RNF168: variants seen among roughly 807,000 people sequenced by gnomAD.
RNF168 encodes E3 ubiquitin-protein ligase RNF168.
Under a neutral mutation model 34.9 loss-of-function variants are expected in RNF168, and 34 were observed. The observed-to-expected ratio is 0.97, with a 90% CI of 0.74 to 1.30. RNF168 has a LOEUF of 1.30. Among genes scored for constraint, RNF168 ranks in the 50% most tolerant of loss-of-function variants. The probability of loss-of-function intolerance (pLI) is 0.00; values close to 1 mark genes in which losing one functional copy is unlikely to be tolerated. For missense variants in RNF168, 725 were observed against 682.5 expected, an observed-to-expected ratio of 1.06 and a Z score of -0.69; for synonymous variants, 264 against 254.7, an observed-to-expected ratio of 1.04 and a Z score of -0.35.
At chr3:196,474,291 A>AT (rs71694194) in intron 5 of RNF168, among the ~76,000 whole-genome samples, 3,241 of 135,396 alleles carry the variant, frequency 0.024, 130 homozygotes, top group African/African-American at 0.078. Flanking sequence ...CACCTGGCTA[A>AT]TTTTTTTTTT....
In RNF168 at chr3:196,495,175, T is replaced by TCG. The variant is rs551677021; in HGVS notation, c.302-6494_302-6493dup. Reference sequence around the variant, plus strand: ...AGTTTTTAAACTGCCACATTGCCTTTCGTGTGTGTGTGTGTGTATTTTCTG... The same window carrying TCG: ...AGTTTTTAAACTGCCACATTGCCTTTCGCGTGTGTGTGTGTGTGTATTTTCTG... On this transcript the variant is annotated intron_variant, in intron 1 of 5. Coordinates refer to ENST00000318037, the MANE Select transcript of RNF168 (RefSeq NM_152617.4). 8.1e-3 allele frequency among the ~76,000 whole-genome samples: 1,043 copies of TCG among 129,452 alleles called. 18 individuals are homozygous for TCG. Among genetic ancestry groups the TCG allele is most frequent in the African/African-American group, 0.026 (950 of 36,238 alleles). The allele number at this position is 129,452 out of a possible 152,430, so 84.9% of individuals were successfully genotyped here. A position where few individuals can be genotyped will look rare whatever the true frequency, so the allele number is the denominator to read the frequency against.
At position 196,499,837 on chromosome 3, in the gene RNF168, G is replaced by GT. The variant is rs1732835588; in HGVS notation, c.301+3035_301+3036insA. ...AAACAAAAAGAATGAATGAGCACAG[G>GT]ATTTGAATAGATATTTCATATTTTT... is the stretch of plus-strand genomic sequence containing the variant. On this transcript the variant is annotated intron_variant, in intron 1 of 5. Coordinates refer to ENST00000318037, the MANE Select transcript of RNF168 (RefSeq NM_152617.4). 2.0e-5 allele frequency among the ~76,000 whole-genome samples: 3 copies of GT among 152,284 alleles called. No individual in the cohort carries two copies. The East Asian group carries it at 5.8e-4, about 29-fold the overall frequency.
Position 196,495,507 on chromosome 3 carries a change from T to C in RNF168, c.302-6824A>G, listed in dbSNP as rs556542370. On this transcript the variant is annotated intron_variant, in intron 1 of 5. Transcript: ENST00000318037. Reference sequence around the variant, plus strand: ...CTTTGCCTTCATGACACTGACATTTTTGAGGTACTAACAACTACGTTTTGT... The same window carrying C: ...CTTTGCCTTCATGACACTGACATTTCTGAGGTACTAACAACTACGTTTTGT... Among the ~76,000 whole-genome samples the C allele has an allele frequency of 7.2e-5, 11 of 152,360 alleles. No individual in the cohort carries two copies. In the South Asian group the frequency reaches 2.1e-3, roughly 29 times the overall value.
chr3:196,474,407 G>C (rs913965542), intron 5 of RNF168, among the ~76,000 whole-genome samples: 1 of 151,144 alleles, frequency 6.6e-6, no homozygotes, highest in Non-Finnish European at 1.5e-5. Context: ...TAGGATTACA[G>C]GCCTGAGCCA....
chr3:196,479,622 G>A (rs1262658602), intron 4 of RNF168, among the ~76,000 whole-genome samples: 3 of 150,424 alleles, frequency 2.0e-5, no homozygotes, highest in East Asian at 2.0e-4. Flanking sequence ...TTTTTGAGAC[G>A]GACTATCGCC....
In RNF168 at chr3:196,468,917, A is replaced by G. The variant is rs187607381; in HGVS notation, c.*2902T>C. 6.6e-6 allele frequency: 1 copy of G among 152,308 alleles called. No homozygotes were observed. 9.4% of individuals were successfully genotyped at this position (152,308 alleles called of 1,614,324 possible). A position where few individuals can be genotyped will look rare whatever the true frequency, so the allele number is the denominator to read the frequency against. ...GGACCAGTACCTGCTAGTGACTGAT[A>G]CATTTATTAGTTTCTAACAAAAAGG... On this transcript the variant is annotated 3_prime_UTR_variant, in exon 6 of 6. Transcript: ENST00000318037.
intron 1 of RNF168, among the ~76,000 whole-genome samples, chr3:196,491,709 G>A (rs73072952): frequency 0.096 from 14,611 of 152,092 alleles, 2,269 homozygotes; most frequent in African/African-American, 0.33. Context: ...TCCTGAGTAC[G>A]GAGATACCGC....
At chr3:196,484,188 T>TTTTTTTTTTA (rs1732366032) in intron 3 of RNF168, among the ~76,000 whole-genome samples, 2 of 148,628 alleles carry the variant, frequency 1.3e-5, no homozygotes, top group African/African-American at 5.0e-5. Context: ...TTTTTTTTTT[T>TTTTTTTTTTA]GAGACGCAGT....
At position 196,472,099 on chromosome 3, in the gene RNF168, G is replaced by A. The variant is rs1036306121; in HGVS notation, c.1436C>T (p.Thr479Ile). The A allele has an allele frequency of 6.2e-7, 1 of 1,613,672 alleles. No homozygotes were observed. The highest frequency in any genetic ancestry group is 8.5e-7 in the Non-Finnish European group (1 of 1,179,798). Residue 479 changes from threonine (T) to isoleucine (I), a missense_variant, in exon 6 of 6, where the codon ACA becomes ATA. By Grantham distance (89) the Thr-to-Ile change is moderately conservative. Transcript: ENST00000318037. ...TAGCACTTTGTCTGGAGGGGAGGAT[G>A]TAGCGCGTAAGTGATACTCATCTGG... is the stretch of plus-strand genomic sequence containing the variant. Reference protein sequence around the residue: ...GSPDEYHLRATSSPPDKVLNG... With the variant: ...GSPDEYHLRAISSPPDKVLNG...
Position 196,492,415 on chromosome 3 carries a change from C to CA in RNF168, c.302-3733dup, listed in dbSNP as rs368484510. 6.7e-3 allele frequency among the ~76,000 whole-genome samples: 1,023 copies of CA among 152,194 alleles called. 16 individuals are homozygous for CA. Among genetic ancestry groups the CA allele is most frequent in the Middle Eastern group, 0.024 (7 of 294 alleles). ...TATTATACTAGAAAGCAAAACATAT[C>CA]ATTAAGCAGAATTAAACTAAGCATG... is the stretch of plus-strand genomic sequence containing the variant. On this transcript the variant is annotated intron_variant, in intron 1 of 5. Coordinates refer to ENST00000318037, the MANE Select transcript of RNF168 (RefSeq NM_152617.4).
intron 1 of RNF168, among the ~76,000 whole-genome samples, chr3:196,490,208 G>A (rs1371759289): frequency 6.6e-6 from 1 of 152,174 alleles, no homozygotes; most frequent in Non-Finnish European, 1.5e-5. Context: ...CATCACCCTG[G>A]AGTTGAAAGA....
At chr3:196,485,082 G>T (rs143223539) in intron 3 of RNF168, among the ~76,000 whole-genome samples, 7 of 152,114 alleles carry the variant, frequency 4.6e-5, no homozygotes, top group Non-Finnish European at 1.0e-4. Flanking sequence ...CTTTAAGGGC[G>T]TATTAATAAA....
intron 3 of RNF168, among the ~76,000 whole-genome samples, chr3:196,486,070 GT>G (rs1381157884): frequency 1.3e-5 from 2 of 152,138 alleles, no homozygotes; most frequent in African/African-American, 2.4e-5. Context: ...TAAAGTATGT[GT>G]TTTATCACAC....
rs1447546237 is a variant in RNF168, at chr3:196,475,243, G to C, written c.750C>G (p.Asp250Glu). The change falls in exon 5 of 6, where the codon GAC becomes GAG. Residue 250 changes from aspartate to glutamate, a missense_variant. Transcript: ENST00000318037. ...AGTATCAACATACCTTAGATACGGA[G>C]TCTTTCCTGACTTCTTGTACAGCTT... is the stretch of plus-strand genomic sequence containing the variant. ...HSEAVQEVRK[D>E]SVSKDIDSSD... is the part of the protein sequence containing the mutation. 3 of 1,596,018 alleles carry C rather than the reference G, an allele frequency of 1.9e-6. No individual in the cohort carries two copies. Among genetic ancestry groups the C allele is most frequent in the African/African-American group, 2.7e-5 (2 of 74,534 alleles).
At chr3:196,474,983 A>G (rs1009807008) in intron 5 of RNF168, 11 of 468,064 alleles carry the variant, frequency 2.4e-5, no homozygotes, top group African/African-American at 2.2e-4. Flanking sequence ...CACAGATCAC[A>G]CTAACTGCAA....
chr3:196,483,260 C>T (rs1433200156), intron 4 of RNF168, among the ~76,000 whole-genome samples: 1 of 152,146 alleles, frequency 6.6e-6, no homozygotes, highest in Non-Finnish European at 1.5e-5. Flanking sequence ...CAAGTCTAGA[C>T]TGTGGTTTTT....
chr3:196,487,476 CCTGT>C lies in RNF168; in HGVS notation c.477_480del (p.Ala161LysfsTer11), dbSNP rs771720993. The C allele has an allele frequency of 1.3e-5, 21 of 1,614,030 alleles. No homozygotes were observed. Among genetic ancestry groups the C allele is most frequent in the South Asian group, 3.3e-5 (3 of 91,086 alleles). The stretch of plus-strand genomic sequence containing the variant: ...TCCATCGCTCTTCGCCTTTTTTCTG[CCTGT>C]CTTTTTTCCTCTTCTTCCTCCTCTG... On this transcript the variant is annotated frameshift_variant, in exon 3 of 6. Coordinates refer to ENST00000318037, the MANE Select transcript of RNF168 (RefSeq NM_152617.4). LOFTEE classifies it high-confidence loss of function.
intron 1 of RNF168, among the ~76,000 whole-genome samples, chr3:196,500,738 G>C (rs1042013875): frequency 6.6e-6 from 1 of 151,526 alleles, no homozygotes; most frequent in Non-Finnish European, 1.5e-5. Context: ...TTGAAACGGA[G>C]TCTCGCTCTG....
intron 1 of RNF168, among the ~76,000 whole-genome samples, chr3:196,499,862 T>C (rs1732836427): frequency 6.6e-6 from 1 of 152,198 alleles, no homozygotes; most frequent in Non-Finnish European, 1.5e-5. Flanking sequence ...TTCATATTTT[T>C]CCGAAGATGA....
Sources: gnomAD v4.1 joint callset for allele counts (sites outside exome capture counted in the v4.1 genomes callset) on GRCh38, gnomAD v4.1.1 for gene constraint, MANE v1.5 for transcripts, NCBI Gene and HGNC (gene_info 2026-07-23, HGNC 2026-07-21) for gene names.